The following GPATCH8 variants were observed in gnomAD, a reference collection of about 807,000 sequenced individuals.
The protein encoded by GPATCH8 is G-patch domain containing 8.
GPATCH8 carries 18 observed loss-of-function variants against 118.3 expected under a neutral mutation model. That is an observed-to-expected ratio of 0.15 (90% confidence interval 0.11 to 0.23). The LOEUF (loss-of-function observed/expected upper bound fraction) is 0.23. GPATCH8 is among the 10% of genes least tolerant of loss of function. The pLI, the probability that GPATCH8 is intolerant of heterozygous loss-of-function variation, is 1.00. For missense variants in GPATCH8, 1,631 were observed against 1,873.8 expected, an observed-to-expected ratio of 0.87 and a Z score of 2.39; for synonymous variants, 659 against 684.7, an observed-to-expected ratio of 0.96 and a Z score of 0.59.
At chr17:44,457,404 T>A (rs1297913702) in intron 3 of GPATCH8, among the ~76,000 whole-genome samples, 1 of 152,168 alleles carries the variant, frequency 6.6e-6, no homozygotes, top group Non-Finnish European at 1.5e-5. Context: ...AAGTAAAATT[T>A]TTACATTTAT....
At chr17:44,500,485 A>AT (rs1354641625) in intron 1 of GPATCH8, among the ~76,000 whole-genome samples, 1 of 152,244 alleles carries the variant, frequency 6.6e-6, no homozygotes, top group Non-Finnish European at 1.5e-5. Context: ...ACTGTTAACT[A>AT]TAACTTTTCA....
chr17:44,401,479 A>C, intron 7 of GPATCH8, 26 bp from the exon 8 acceptor site: 1 of 1,474,202 alleles, frequency 6.8e-7, no homozygotes, highest in Non-Finnish European at 9.5e-7. Context: ...GAAAAATAAA[A>C]AACAAAAAGC....
In GPATCH8 at chr17:44,399,854, G is replaced by A. The variant is rs747355946; in HGVS notation, c.2223C>T (p.Pro741=). Residue 741 remains proline, a synonymous_variant, in exon 8 of 8, where the codon CCC becomes CCT. Coordinates refer to ENST00000591680, the MANE Select transcript of GPATCH8 (RefSeq NM_001002909.4). ...CTCTCCGCCTTCTTCTTGGTGGTGC[G>A]GGACTGCCACTCCCAGGGGGTTCTG... ...PKPEPPGSGS[P]APPRRRRRAQ... 32 of 1,613,658 alleles carry A rather than the reference G, an allele frequency of 2.0e-5. No individual in the cohort carries two copies. The highest frequency in any genetic ancestry group is 6.7e-5 in the African/African-American group (5 of 74,806).
intron 7 of GPATCH8, among the ~76,000 whole-genome samples, chr17:44,402,038 C>G (rs1390078341): frequency 2.1e-5 from 3 of 145,344 alleles, no homozygotes; most frequent in African/African-American, 7.6e-5. Context: ...AAATAAAGTA[C>G]AGGCCGGGCG....
chr17:44,459,428 T>C (rs1331057178), intron 3 of GPATCH8, among the ~76,000 whole-genome samples: 1 of 152,220 alleles, frequency 6.6e-6, no homozygotes, highest in Non-Finnish European at 1.5e-5. Flanking sequence ...GAGATTTTAA[T>C]ATCCATTTAT....
chr17:44,397,550 A>C lies in GPATCH8; in HGVS notation c.*18T>G. ...TGGGTCTCCTCCCCTGGCCCTACCT[A>C]GGATCCCATCCCCCAACTCACGTGC... On this transcript the variant is annotated 3_prime_UTR_variant, in exon 8 of 8. Coordinates refer to ENST00000591680, the MANE Select transcript of GPATCH8 (RefSeq NM_001002909.4). The C allele has an allele frequency of 3.2e-6, 5 of 1,560,358 alleles. No individual in the cohort carries two copies. Among genetic ancestry groups the C allele is most frequent in the Non-Finnish European group, 4.4e-6 (5 of 1,131,472 alleles).
intron 6 of GPATCH8, 130 bp downstream of exon 6, chr17:44,424,219 A>T: frequency 1.4e-6 from 1 of 718,460 alleles, no homozygotes; most frequent in South Asian, 1.6e-5. Context: ...AGTGTGTTGG[A>T]TGACTGCAGA....
intron 1 of GPATCH8, among the ~76,000 whole-genome samples, chr17:44,482,958 C>G (rs1968395531): frequency 6.7e-6 from 1 of 149,072 alleles, no homozygotes; most frequent in Admixed American, 6.7e-5. Flanking sequence ...AGATCGAGAC[C>G]ATCCTGGCTA....
rs140576995 is a variant in GPATCH8 at position 44,399,834 on chromosome 17, C to T, written c.2243G>A (p.Arg748Gln). The T allele has an allele frequency of 1.6e-5, 26 of 1,613,614 alleles. No individual in the cohort carries two copies. Among genetic ancestry groups the T allele is most frequent in the African/African-American group, 8.0e-5 (6 of 74,816 alleles). The part of the protein sequence containing the change: ...SGSPAPPRRR[R>Q]RAQDDSQRRS... ...CCGCTGGGAGTCATCTTGAGCTCTC[C>T]GCCTTCTTCTTGGTGGTGCGGGACT... Residue 748 changes from arginine (R) to glutamine (Q), a missense_variant, in exon 8 of 8, where the codon CGG becomes CAG. Around this residue, in one of 8 missense-constraint regions of GPATCH8, gnomAD observed 922 missense variants for 879.7 expected, o/e 1.05. Transcript: ENST00000591680.
intron 5 of GPATCH8, among the ~76,000 whole-genome samples, chr17:44,430,526 G>A (rs1484249686): frequency 6.6e-6 from 1 of 152,090 alleles, no homozygotes; most frequent in Non-Finnish European, 1.5e-5. Flanking sequence ...GGAATTTCTA[G>A]AAATTAGGCA....
At chr17:44,424,520 CA>C in intron 5 of GPATCH8, 28 bp from the exon 6 acceptor site, 2 of 1,561,044 alleles carry the variant, frequency 1.3e-6, no homozygotes, top group Non-Finnish European at 1.8e-6. Flanking sequence ...TACAAAGAAA[CA>C]AAAAATGAAC....
Position 44,398,013 on chromosome 17 carries a change from G to A in GPATCH8, c.4064C>T (p.Ala1355Val), listed in dbSNP as rs774533505. ...ASAALAPATP[A>V]LQPIHIQQPA... ...CTGCTGAATGTGGATGGGTTGCAGG[G>A]CTGGTGTGGCTGGGGCCAGGGCAGC... The change falls in exon 8 of 8, where the codon GCC (alanine) becomes GTC (valine). Residue 1355 changes from alanine (A) to valine (V), a missense_variant. By Grantham distance (64) the Ala-to-Val change is moderately conservative (BLOSUM62 0). Coordinates refer to ENST00000591680, the MANE Select transcript of GPATCH8 (RefSeq NM_001002909.4). 16 of 1,613,906 alleles carry A rather than the reference G, an allele frequency of 9.9e-6. No individual in the cohort carries two copies. The highest frequency in any genetic ancestry group is 8.0e-5 in the African/African-American group (6 of 74,900).
chr17:44,437,960 C>A (rs11654907), intron 3 of GPATCH8, among the ~76,000 whole-genome samples: 16,348 of 49,074 alleles, frequency 0.33, 2,549 homozygotes, highest in African/African-American at 0.5. Flanking sequence ...AAAAAAAAAA[C>A]AAAACAACAA....
rs761409961 is a variant in GPATCH8, at chr17:44,395,933, G to T, written c.*1635C>A. 25 of 454,214 alleles carry T rather than the reference G, an allele frequency of 5.5e-5. No individual in the cohort carries two copies. The highest frequency in any genetic ancestry group is 3.7e-4 in the South Asian group (24 of 64,474). The allele number at this position is 454,214 out of a possible 1,614,324, so 28.1% of individuals were successfully genotyped here. A position where few individuals can be genotyped will look rare whatever the true frequency, so the allele number is the denominator to read the frequency against. On this transcript the variant is annotated 3_prime_UTR_variant, in exon 8 of 8. Coordinates refer to ENST00000591680, the MANE Select transcript of GPATCH8 (RefSeq NM_001002909.4). ...GAGCCTGGGTGAAAGGCAAGAAGAG[G>T]GGCAAAAGAGGCTGAGGTGGTAATT...
rs754510329 is a variant in GPATCH8, at chr17:44,426,603, C to CAAA, written c.349-2114_349-2112dup. Among the ~76,000 whole-genome samples, 136 of 82,194 alleles carry CAAA rather than the reference C, an allele frequency of 1.7e-3. 2 individuals are homozygous for CAAA. Among genetic ancestry groups the CAAA allele is most frequent in the East Asian group, 3.2e-3 (9 of 2,820 alleles). 53.9% of individuals were successfully genotyped at this position (82,194 alleles called of 152,430 possible). On this transcript the variant is annotated intron_variant, in intron 5 of 7. Coordinates refer to ENST00000591680, the MANE Select transcript of GPATCH8 (RefSeq NM_001002909.4). Reference sequence around the variant, plus strand: ...TGGGTGACAGAGTGAGACCTTGTCTCAAAAAAAAAAAAAAAAAAAAAGGCT... The same window carrying CAAA: ...TGGGTGACAGAGTGAGACCTTGTCTCAAAAAAAAAAAAAAAAAAAAAAAAGGCT...
At chr17:44,404,220 C>G (rs2049135183) in intron 7 of GPATCH8, among the ~76,000 whole-genome samples, 1 of 151,952 alleles carries the variant, frequency 6.6e-6, no homozygotes, top group Non-Finnish European at 1.5e-5. Context: ...TCACTGCAGC[C>G]TTGATCTCCC....
chr17:44,419,031 G>A (rs1001150524), intron 6 of GPATCH8, among the ~76,000 whole-genome samples: 3 of 152,116 alleles, frequency 2.0e-5, no homozygotes, highest in African/African-American at 7.2e-5. Flanking sequence ...TGAATATAAA[G>A]AGGCACATAA....
At chr17:44,423,014 ATCCC>A (rs2049968338) in intron 6 of GPATCH8, among the ~76,000 whole-genome samples, 2 of 151,466 alleles carry the variant, frequency 1.3e-5, no homozygotes, top group African/African-American at 4.8e-5. Flanking sequence ...CACACCTGTA[ATCCC>A]AGCACTTTGG....
intron 3 of GPATCH8, among the ~76,000 whole-genome samples, chr17:44,438,900 T>G (rs750692308): frequency 6.6e-6 from 1 of 152,058 alleles, no homozygotes; most frequent in Non-Finnish European, 1.5e-5. Context: ...GACCAAGGTG[T>G]GAGATTTTTG....
Sources: gnomAD v4.1 joint callset for allele counts (sites outside exome capture counted in the v4.1 genomes callset) on GRCh38, gnomAD v4.1.1 for gene constraint, gnomAD v4.1.1 regional missense constraint, MANE v1.5 for transcripts, NCBI Gene and HGNC (gene_info 2026-07-23, HGNC 2026-07-21) for gene names.